Variants in COP1 observed in about 807,000 individuals in gnomAD.
COP1 encodes the protein E3 ubiquitin-protein ligase COP1.
Under a neutral mutation model 101.3 loss-of-function variants are expected in COP1, and 24 were observed. The ratio of observed to expected loss-of-function variants is 0.24; its 90% CI spans 0.17 to 0.33. The LOEUF is 0.33. COP1 is among the 10% of genes least tolerant of loss of function. COP1 has a pLI of 1.00. For synonymous variants in COP1, 347 were observed against 341.9 expected (o/e 1.01, Z -0.17); for missense variants, 663 against 906.2 (o/e 0.73, Z 3.45).
intron 15 of COP1, among the ~76,000 whole-genome samples, chr1:176,012,963 G>A (rs1348149826): frequency 6.6e-6 from 1 of 152,080 alleles, no homozygotes; most frequent in Non-Finnish European, 1.5e-5. Context: ...TATCCTCGGG[G>A]GAACTGGTTT....
chr1:175,974,072 T>C (rs752755415), intron 18 of COP1, among the ~76,000 whole-genome samples: 4 of 152,152 alleles, frequency 2.6e-5, no homozygotes, highest in Admixed American at 6.5e-5. Context: ...TCTGTAACCA[T>C]TGGGGAAACA....
At chr1:176,189,407 T>C (rs976762707) in intron 1 of COP1, among the ~76,000 whole-genome samples, 1 of 152,052 alleles carries the variant, frequency 6.6e-6, no homozygotes, top group Admixed American at 6.6e-5. Context: ...GAATTCTTTG[T>C]TTCTCATTTT....
chr1:176,025,563 A>G (rs1241923977), intron 15 of COP1, among the ~76,000 whole-genome samples: 1 of 152,070 alleles, frequency 6.6e-6, no homozygotes, highest in Non-Finnish European at 1.5e-5. Context: ...AAAGTCCAGA[A>G]CCTAAAGTAA....
chr1:176,016,269 C>T (rs1338580407), intron 15 of COP1, among the ~76,000 whole-genome samples: 2 of 151,618 alleles, frequency 1.3e-5, no homozygotes, highest in Non-Finnish European at 2.9e-5. Context: ...AACAGAGTAT[C>T]AAAGAATACC....
chr1:176,025,200 C>T (rs1193633023), intron 15 of COP1, among the ~76,000 whole-genome samples: 1 of 151,974 alleles, frequency 6.6e-6, no homozygotes, highest in Non-Finnish European at 1.5e-5. Flanking sequence ...ATATTCTAAA[C>T]AGCAGAACAC....
At chr1:176,133,120 C>G (rs1407128174) in intron 8 of COP1, among the ~76,000 whole-genome samples, 2 of 148,030 alleles carry the variant, frequency 1.4e-5, no homozygotes, top group African/African-American at 2.5e-5. Flanking sequence ...CGTATATATA[C>G]TATATATACC....
intron 15 of COP1, among the ~76,000 whole-genome samples, chr1:176,022,067 AATGTTATTAC>A (rs1360682488): frequency 3.3e-5 from 5 of 152,206 alleles, no homozygotes; most frequent in Non-Finnish European, 7.3e-5. Context: ...ATTTTGAGGC[AATGTTATTAC>A]ATACACAAAG....
chr1:176,101,150 G>GC (rs1259620104), intron 9 of COP1, among the ~76,000 whole-genome samples: 1 of 152,108 alleles, frequency 6.6e-6, no homozygotes, highest in African/African-American at 2.4e-5. Context: ...CCTGTAGCAT[G>GC]CCCCCCACCA....
chr1:176,055,173 C>T (rs1673230865), intron 11 of COP1, among the ~76,000 whole-genome samples: 1 of 152,250 alleles, frequency 6.6e-6, no homozygotes, highest in Admixed American at 6.5e-5. Context: ...GTGGCTCAAG[C>T]CTGTAATCCC....
intron 15 of COP1, among the ~76,000 whole-genome samples, chr1:176,015,957 G>C (rs921587502): frequency 6.6e-6 from 1 of 152,114 alleles, no homozygotes; most frequent in Admixed American, 6.6e-5. Flanking sequence ...TTAGTAAGTA[G>C]AACACACATG....
chr1:176,081,413 AAG>A (rs1161246769), intron 10 of COP1, 126 bp from the exon 11 acceptor site: 2 of 695,272 alleles, frequency 2.9e-6, no homozygotes, highest in African/African-American at 1.8e-5. Flanking sequence ...GATTTTACTA[AAG>A]ACTAGTTTAC....
intron 11 of COP1, among the ~76,000 whole-genome samples, chr1:176,048,335 C>T (rs905158113): frequency 2.0e-5 from 3 of 151,258 alleles, no homozygotes; most frequent in Admixed American, 6.6e-5. Context: ...ACATGGTGCC[C>T]AGCCAATTTA....
intron 1 of COP1, among the ~76,000 whole-genome samples, chr1:176,199,586 C>A (rs544122071): frequency 1.4e-4 from 22 of 152,072 alleles, no homozygotes; most frequent in African/African-American, 5.3e-4. Context: ...TGGGATAATA[C>A]TAAGCAATTA....
At chr1:176,057,640 A>C (rs1269653976) in intron 11 of COP1, among the ~76,000 whole-genome samples, 1 of 152,078 alleles carries the variant, frequency 6.6e-6, no homozygotes, top group African/African-American at 2.4e-5. Context: ...CTCAGTGCTC[A>C]ATGGTGCCCA....
chr1:175,994,223 C>T (rs56165013), intron 15 of COP1, among the ~76,000 whole-genome samples: 16,371 of 152,152 alleles, frequency 0.11, 959 homozygotes, highest in Middle Eastern at 0.16. Flanking sequence ...CAGGCCTGCC[C>T]TAAAAGAGCT....
Position 176,010,585 on chromosome 1 carries a change from T to A in COP1, c.1729+16987A>T, listed in dbSNP as rs558568088. On this transcript the variant is annotated intron_variant, in intron 15 of 19. Coordinates refer to ENST00000367669, the MANE Select transcript of COP1 (RefSeq NM_022457.7). The stretch of plus-strand genomic sequence containing the variant: ...GTTTTTGGCACAAATACTATAAAGG[T>A]GATGGTCCTTTCTATCACATCAAAA... Among the ~76,000 whole-genome samples, 41 of 152,328 alleles carry A rather than the reference T, an allele frequency of 2.7e-4. No homozygotes were observed. The South Asian group carries it at 8.1e-3, about 30-fold the overall frequency.
intron 15 of COP1, among the ~76,000 whole-genome samples, chr1:175,998,076 A>G (rs1270885848): frequency 6.9e-6 from 1 of 145,606 alleles, no homozygotes; most frequent in Non-Finnish European, 1.5e-5. Flanking sequence ...AAAAAAAAAA[A>G]AAAAAAAAAA....
intron 15 of COP1, among the ~76,000 whole-genome samples, chr1:176,015,980 G>T (rs528813839): frequency 2.6e-5 from 4 of 152,060 alleles, no homozygotes; most frequent in African/African-American, 9.7e-5. Context: ...TCAATTTAAC[G>T]TGAAGAATGA....
chr1:176,075,978 G>C (rs1301739585), intron 11 of COP1, among the ~76,000 whole-genome samples: 6 of 142,032 alleles, frequency 4.2e-5, no homozygotes, highest in African/African-American at 1.6e-4. Context: ...ACTCCAGCCT[G>C]GGTAACAAGC....
Sources: gnomAD v4.1 joint callset for allele counts (sites outside exome capture counted in the v4.1 genomes callset) on GRCh38, gnomAD v4.1.1 for gene constraint, MANE v1.5 for transcripts, NCBI Gene and HGNC (gene_info 2026-07-23, HGNC 2026-07-21) for gene names.